Variants in RERG observed in about 807,000 individuals in gnomAD.
RERG encodes RAS like estrogen regulated growth inhibitor.
RERG carries 25 observed loss-of-function variants against 23.2 expected under a neutral mutation model. The observed-to-expected ratio is 1.08, with a 90% CI of 0.79 to 1.50. RERG has a LOEUF of 1.50. RERG is among the 40% of genes most tolerant of loss of function. The pLI is 0.00. For synonymous variants in RERG, 81 were observed against 89.1 expected, an observed-to-expected ratio of 0.91 and a Z score of 0.51; for missense variants, 253 against 250.1, an observed-to-expected ratio of 1.01 and a Z score of -0.08.
At chr12:15,194,669 G>A (rs557613178) in intron 2 of RERG, among the ~76,000 whole-genome samples, 2 of 152,116 alleles carry the variant, frequency 1.3e-5, no homozygotes, top group Non-Finnish European at 2.9e-5. Context: ...GATGTTCAGC[G>A]TTCAGATGCC....
chr12:15,203,541 T>C (rs1451893373), intron 2 of RERG, among the ~76,000 whole-genome samples: 3 of 151,666 alleles, frequency 2.0e-5, no homozygotes, highest in African/African-American at 4.8e-5. Context: ...ATGACTTCTA[T>C]TCAACACAGT....
At chr12:15,132,336 GCA>G (rs1217110623) in intron 2 of RERG, among the ~76,000 whole-genome samples, 1 of 152,100 alleles carries the variant, frequency 6.6e-6, no homozygotes, top group Non-Finnish European at 1.5e-5. Flanking sequence ...ACTTTGCAAT[GCA>G]CATTTAAGGT....
At chr12:15,174,172 T>G (rs1864813853) in intron 2 of RERG, among the ~76,000 whole-genome samples, 1 of 152,064 alleles carries the variant, frequency 6.6e-6, no homozygotes, top group African/African-American at 2.4e-5. Flanking sequence ...ATTTTTGACA[T>G]GTAGTTTTGC....
intron 2 of RERG, among the ~76,000 whole-genome samples, chr12:15,144,541 T>C (rs1864297390): frequency 6.6e-6 from 1 of 152,164 alleles, no homozygotes; most frequent in Non-Finnish European, 1.5e-5. Flanking sequence ...AGAAGGTTTT[T>C]CATGGAAAAG....
chr12:15,169,454 T>C (rs929391392), intron 2 of RERG, among the ~76,000 whole-genome samples: 2 of 152,196 alleles, frequency 1.3e-5, no homozygotes, highest in African/African-American at 4.8e-5. Flanking sequence ...CTCTGCCTGA[T>C]TGCTTGAGCT....
Position 15,144,468 on chromosome 12 carries a change from G to A in RERG, c.62-23349C>T, listed in dbSNP as rs557721100. 5.3e-5 allele frequency among the ~76,000 whole-genome samples: 8 copies of A among 152,060 alleles called. No homozygotes were observed. In the East Asian group the frequency reaches 7.7e-4, roughly 15 times the overall value. Reference sequence around the variant, plus strand: ...GGCTGATGAGGTAAAAATGAGGGACGGTAATTGGAAAGTTGAAGTAGGAGG... The same window carrying A: ...GGCTGATGAGGTAAAAATGAGGGACAGTAATTGGAAAGTTGAAGTAGGAGG... On this transcript the variant is annotated intron_variant, in intron 2 of 4. Transcript: ENST00000256953.
intron 2 of RERG, among the ~76,000 whole-genome samples, chr12:15,153,929 G>A (rs1864482247): frequency 6.6e-6 from 1 of 152,122 alleles, no homozygotes; most frequent in African/African-American, 2.4e-5. Flanking sequence ...ATGAAATGGG[G>A]AAATTTGGAC....
At chr12:15,150,072 G>A (rs1465463138) in intron 2 of RERG, among the ~76,000 whole-genome samples, 1 of 152,170 alleles carries the variant, frequency 6.6e-6, no homozygotes, top group East Asian at 1.9e-4. Context: ...GAAAGGACGG[G>A]GAGGGAGAGT....
intron 2 of RERG, among the ~76,000 whole-genome samples, chr12:15,153,596 T>C (rs1173952027): frequency 6.6e-6 from 1 of 152,190 alleles, no homozygotes; most frequent in Non-Finnish European, 1.5e-5. Flanking sequence ...GAATAGCTTT[T>C]ATAATATAAA....
At chr12:15,164,903 A>G (rs1169713868) in intron 2 of RERG, among the ~76,000 whole-genome samples, 1 of 152,214 alleles carries the variant, frequency 6.6e-6, no homozygotes, top group Non-Finnish European at 1.5e-5. Context: ...TTTCCAGTGG[A>G]GCACTCTCTT....
intron 2 of RERG, among the ~76,000 whole-genome samples, chr12:15,145,964 C>A (rs182939094): frequency 5.1e-4 from 77 of 152,260 alleles, no homozygotes; most frequent in Admixed American, 1.0e-3. Context: ...ACACATGAAC[C>A]CATAATTGCA....
rs199912990 is a variant in RERG, at chr12:15,109,172, G to A, written c.538C>T (p.Arg180Cys). 5 of 1,610,410 alleles carry A rather than the reference G, an allele frequency of 3.1e-6. No homozygotes were observed. The highest frequency in any genetic ancestry group is 4.5e-5 in the East Asian group (2 of 44,810). ...TGCTTGACATGCGTGGTGGAGCTGC[G>A]TCGCCTCGTCTTGCCCTGCACCATC... is the stretch of plus-strand genomic sequence containing the variant. ...RRMVQGKTRRRSSTTHVKQAI... is the reference protein window; with the variant it reads ...RRMVQGKTRRCSSTTHVKQAI... Residue 180 changes from arginine to cysteine, a missense_variant, in exon 5 of 5, where the codon CGC becomes TGC. Transcript: ENST00000256953.
At chr12:15,128,597 T>G (rs961435542) in intron 2 of RERG, among the ~76,000 whole-genome samples, 2 of 152,342 alleles carry the variant, frequency 1.3e-5, no homozygotes, top group African/African-American at 4.8e-5. Context: ...TGTCTAGAAT[T>G]CTTACTGCAA....
At chr12:15,172,229 C>T (rs1864787317) in intron 2 of RERG, among the ~76,000 whole-genome samples, 2 of 152,156 alleles carry the variant, frequency 1.3e-5, no homozygotes, top group South Asian at 2.1e-4. Flanking sequence ...TGGTATCATA[C>T]AATATGTGGT....
chr12:15,160,183 T>A (rs570810574), intron 2 of RERG, among the ~76,000 whole-genome samples: 4 of 152,040 alleles, frequency 2.6e-5, no homozygotes, highest in African/African-American at 9.6e-5. Context: ...TTTTGGTCAT[T>A]TTTTTTTGTT....
At position 15,121,071 on chromosome 12, in the gene RERG, G is replaced by T. The variant is rs991133739; in HGVS notation, c.110C>A (p.Pro37His). ...AACAAAATTTGACCTACCGAGGGTG[G>T]GATCATATTCCCAGATGAACCGTTT... ...LTKRFIWEYD[P>H]TLESTYRHQA... Residue 37 changes from proline to histidine, a missense_variant, in exon 3 of 5, where the codon CCC becomes CAC. Physicochemically the swap from Pro to His is moderately conservative, Grantham distance 77. Coordinates refer to ENST00000256953, the MANE Select transcript of RERG (RefSeq NM_032918.3). 1 of 1,611,928 alleles carries T rather than the reference G, an allele frequency of 6.2e-7. No individual in the cohort carries two copies. Among genetic ancestry groups the T allele is most frequent in the African/African-American group, 1.3e-5 (1 of 74,948 alleles).
chr12:15,213,996 ATGTGTGTGTGTGTGTGTGTG>A (rs59427690), intron 2 of RERG, among the ~76,000 whole-genome samples: 5 of 131,014 alleles, frequency 3.8e-5, no homozygotes, highest in Admixed American at 7.5e-5. Context: ...CAGAGAAAGT[ATGTGTGTGTGTGTGTGTGTG>A]TGTGTGTGTG....
intron 2 of RERG, among the ~76,000 whole-genome samples, chr12:15,142,026 T>C (rs1407812388): frequency 6.6e-6 from 1 of 152,218 alleles, no homozygotes; most frequent in Admixed American, 6.5e-5. Flanking sequence ...TAGTTTTATT[T>C]GGTTTGTTTC....
At chr12:15,176,877 A>G (rs73065442) in intron 2 of RERG, among the ~76,000 whole-genome samples, 3,226 of 152,276 alleles carry the variant, frequency 0.021, 48 homozygotes, top group South Asian at 0.042. Context: ...CATTTGGTAA[A>G]AGAGCTCATT....
Sources: allele counts gnomAD v4.1 joint callset (sites outside exome capture counted in the v4.1 genomes callset), GRCh38; gene constraint gnomAD v4.1.1; transcripts MANE v1.5; gene names NCBI Gene and HGNC (gene_info 2026-07-23, HGNC 2026-07-21).